GABBR1: variants seen among roughly 807,000 people sequenced by gnomAD.
GABBR1 encodes the protein GABA-B receptor, R1 subunit.
GABBR1 carries 35 observed loss-of-function variants against 117.7 expected under a neutral mutation model. The observed-to-expected ratio is 0.30, with a 90% CI of 0.23 to 0.39. The LOEUF is 0.39. Among genes scored for constraint, GABBR1 ranks in the 10% least tolerant of loss-of-function variants. The pLI, the probability that GABBR1 is intolerant of heterozygous loss-of-function variation, is 1.00. For synonymous variants in GABBR1, 442 were observed against 486.6 expected (o/e 0.91, Z 1.21); for missense variants, 709 against 1,241.8 (o/e 0.57, Z 6.45).
At position 29,622,044 on chromosome 6, in the gene GABBR1, G is replaced by C. The variant is rs770256133; in HGVS notation, c.1065+60C>G. 6.9e-6 allele frequency: 10 copies of C among 1,451,290 alleles called. No individual in the cohort carries two copies. Among genetic ancestry groups the C allele is most frequent in the African/African-American group, 1.4e-5 (1 of 71,560 alleles). 89.9% of individuals were successfully genotyped at this position (1,451,290 alleles called of 1,614,324 possible). ...CCCGCCTGGCTTTCCTCTCCAACCA[G>C]TCACTGTCCCCCAGCTTGGTCCCTC... is the stretch of plus-strand genomic sequence containing the variant. On this transcript the variant is annotated intron_variant, in intron 9 of 22. Transcript: ENST00000377034. This position sits in a 1 kb window ranked among gnomAD's most constrained non-coding sequence, Gnocchi z 4.6.
chr6:29,627,379 T>C lies in GABBR1; in HGVS notation c.657+107A>G. ...CTGCCAGTCACACAAGGGAGGGGTC[T>C]GCCTCGCAATCCCAGAGACGACTCA... On this transcript the variant is annotated intron_variant, in intron 6 of 22. Transcript: ENST00000377034. The surrounding 1 kb of genome is among the most constrained non-coding windows in gnomAD (Gnocchi z 4.4). 8.6e-7 allele frequency: 1 copy of C among 1,163,530 alleles called. No homozygotes were observed. Among genetic ancestry groups the C allele is most frequent in the Non-Finnish European group, 1.2e-6 (1 of 823,696 alleles). The allele number at this position is 1,163,530 out of a possible 1,614,324, so 72.1% of individuals were successfully genotyped here.
At position 29,623,701 on chromosome 6, in the gene GABBR1, G is replaced by A. The variant is rs1473770563; in HGVS notation, c.792+189C>T. 6.6e-6 allele frequency among the ~76,000 whole-genome samples: 1 copy of A among 152,128 alleles called. No homozygotes were observed. Among genetic ancestry groups the A allele is most frequent in the East Asian group, 1.9e-4 (1 of 5,190 alleles). ...CTAATTTCAATTCCTTCTGAAGAAGGAGGTCAGCTGCAGCACTGTCAGGCC... is the reference window on the plus strand; with the variant it reads ...CTAATTTCAATTCCTTCTGAAGAAGAAGGTCAGCTGCAGCACTGTCAGGCC... On this transcript the variant is annotated intron_variant, in intron 7 of 22. Transcript: ENST00000377034. This position sits in a 1 kb window ranked among gnomAD's most constrained non-coding sequence, Gnocchi z 6.2.
chr6:29,629,812 CA>C (rs28383808), intron 4 of GABBR1: 456 of 104,616 alleles, frequency 4.4e-3, no homozygotes, highest in African/African-American at 5.4e-3. Context: ...AATTACGTGG[CA>C]AAAAAAAAAA....
rs1340752047 is a variant in GABBR1, at chr6:29,605,840, C to T, written c.2312-144G>A. On this transcript the variant is annotated intron_variant, in intron 19 of 22. Coordinates refer to ENST00000377034, the MANE Select transcript of GABBR1 (RefSeq NM_001470.4). The surrounding 1 kb of genome is among the most constrained non-coding windows in gnomAD (Gnocchi z 4.2). ...CCAACCCCTCTGACCTAGCAAACCT[C>T]ACCCTGTGTCCCCTATCCCTTATGT... The T allele has an allele frequency of 3.2e-6, 3 of 928,858 alleles. No individual in the cohort carries two copies. Among genetic ancestry groups the T allele is most frequent in the Non-Finnish European group, 4.8e-6 (3 of 625,540 alleles). 57.5% of individuals were successfully genotyped at this position (928,858 alleles called of 1,614,324 possible). A position where few individuals can be genotyped will look rare whatever the true frequency, so the allele number is the denominator to read the frequency against.
Position 29,627,444 on chromosome 6 carries a change from CGCAAGCCCCCACCT to C in GABBR1, c.657+28_657+41del. On this transcript the variant is annotated intron_variant, in intron 6 of 22. Transcript: ENST00000377034. This position sits in a 1 kb window ranked among gnomAD's most constrained non-coding sequence, Gnocchi z 4.4. The stretch of plus-strand genomic sequence containing the variant: ...CGTGCAGCTGGCTGGCCCCCTGCCC[CGCAAGCCCCCACCT>C]CCCACCCACCCCCATGTCCAGGGCT... 4.3e-6 allele frequency: 6 copies of C among 1,385,558 alleles called. No individual in the cohort carries two copies. The highest frequency in any genetic ancestry group is 6.0e-6 in the Non-Finnish European group (6 of 1,004,150). The allele number at this position is 1,385,558 out of a possible 1,614,324, so 85.8% of individuals were successfully genotyped here. A position where few individuals can be genotyped will look rare whatever the true frequency, so the allele number is the denominator to read the frequency against.
chr6:29,610,938 G>C lies in GABBR1; in HGVS notation c.1694C>G (p.Thr565Arg). 4 of 1,612,818 alleles carry C rather than the reference G, an allele frequency of 2.5e-6. No individual in the cohort carries two copies. The highest frequency in any genetic ancestry group is 2.7e-5 in the African/African-American group (2 of 75,034). Residue 565 changes from threonine (T) to arginine (R), a missense_variant, in exon 14 of 23, where the codon ACA (threonine) becomes AGA (arginine). By Grantham distance (71) the Thr-to-Arg change is moderately conservative. Around this residue, in one of 9 missense-constraint regions of GABBR1, gnomAD observed 251 missense variants for 445.3 expected, o/e 0.56. Transcript: ENST00000377034. The stretch of plus-strand genomic sequence containing the variant: ...GATCCACTCACCAATCCATTTATCT[G>C]TTTTGGACCAGGAAAGATCATCCTT... ...STKDDLSWSK[T>R]DKWIGGSPPA...
chr6:29,624,106 A>C, intron 6 of GABBR1, 82 bp from the exon 7 acceptor site: 1 of 1,318,668 alleles, frequency 7.6e-7, no homozygotes, highest in Non-Finnish European at 1.0e-6. Context: ...TTTCTCGAAC[A>C]AATTAGTTCC....
In GABBR1 at chr6:29,621,991, C is replaced by T. The variant is rs2127432032; in HGVS notation, c.1065+113G>A. 5.6e-6 allele frequency: 6 copies of T among 1,065,106 alleles called. No homozygotes were observed. Among genetic ancestry groups the T allele is most frequent in the Non-Finnish European group, 8.5e-6 (6 of 702,306 alleles). The allele number at this position is 1,065,106 out of a possible 1,614,324, so 66.0% of individuals were successfully genotyped here. On this transcript the variant is annotated intron_variant, in intron 9 of 22. Transcript: ENST00000377034. This position sits in a 1 kb window ranked among gnomAD's most constrained non-coding sequence, Gnocchi z 5.0. ...TGGAGCTAAACTTCCCCAGGAGATG[C>T]TATTGCCTCAGAGAATCAAAACCTG...
chr6:29,621,310 T>C lies in GABBR1; in HGVS notation c.1132-18A>G. ...TTGTACACCTGAATACAGAGGAGAA[T>C]GGCTGAGTTTTTGTTTGCTCATTTG... On this transcript the variant is annotated intron_variant, in intron 10 of 22. Coordinates refer to ENST00000377034, the MANE Select transcript of GABBR1 (RefSeq NM_001470.4). The surrounding 1 kb of genome is among the most constrained non-coding windows in gnomAD (Gnocchi z 5.0). 1 of 1,601,826 alleles carries C rather than the reference T, an allele frequency of 6.2e-7. No homozygotes were observed. The highest frequency in any genetic ancestry group is 1.1e-5 in the South Asian group (1 of 89,834).
At chr6:29,610,680 T>TAC (rs1762448648) in intron 14 of GABBR1, among the ~76,000 whole-genome samples, 1 of 151,532 alleles carries the variant, frequency 6.6e-6, no homozygotes, top group African/African-American at 2.4e-5. Context: ...TAATCCCCAG[T>TAC]TACCCCAGCA....
In GABBR1 at chr6:29,613,565, A is replaced by C. The variant is rs902998595; in HGVS notation, c.1324-80T>G. On this transcript the variant is annotated intron_variant, in intron 11 of 22. Transcript: ENST00000377034. This position sits in a 1 kb window ranked among gnomAD's most constrained non-coding sequence, Gnocchi z 4.1. ...AGGGGTGCAATCCAATTCTGACTCA[A>C]TCACTTCTACTTGAATGGATGGTTT... 1.3e-6 allele frequency: 2 copies of C among 1,504,662 alleles called. No individual in the cohort carries two copies. The highest frequency in any genetic ancestry group is 1.8e-6 in the Non-Finnish European group (2 of 1,103,692). The allele number at this position is 1,504,662 out of a possible 1,614,324, so 93.2% of individuals were successfully genotyped here. A position where few individuals can be genotyped will look rare whatever the true frequency, so the allele number is the denominator to read the frequency against.
In GABBR1 at chr6:29,631,347, A is replaced by G; in HGVS notation, c.289+49T>C. On this transcript the variant is annotated intron_variant, in intron 3 of 22. Transcript: ENST00000377034. The surrounding 1 kb of genome is among the most constrained non-coding windows in gnomAD (Gnocchi z 5.9). ...CAAGCAGTAATGCTAAGTTTGCGGC[A>G]GGAAAAGGAATAGTCTTGAAGAGGG... The G allele has an allele frequency of 6.4e-7, 1 of 1,563,470 alleles. No homozygotes were observed. Among genetic ancestry groups the G allele is most frequent in the Non-Finnish European group, 8.8e-7 (1 of 1,136,690 alleles).
chr6:29,607,350 GC>G lies in GABBR1; in HGVS notation c.1993-133del. ...GAGCTCATGGTGGCACAGGGAGGATGCGAAAATGTGAGCAGGACGGGGAGCG... is the reference window on the plus strand; with the variant it reads ...GAGCTCATGGTGGCACAGGGAGGATGGAAAATGTGAGCAGGACGGGGAGCG... On this transcript the variant is annotated intron_variant, in intron 16 of 22. Transcript: ENST00000377034. This position sits in a 1 kb window ranked among gnomAD's most constrained non-coding sequence, Gnocchi z 5.0. The G allele has an allele frequency of 1.4e-6, 1 of 710,130 alleles. No homozygotes were observed. The highest frequency in any genetic ancestry group is 2.5e-6 in the Non-Finnish European group (1 of 404,134). The allele number at this position is 710,130 out of a possible 1,614,324, so 44.0% of individuals were successfully genotyped here. A position where few individuals can be genotyped will look rare whatever the true frequency, so the allele number is the denominator to read the frequency against.
intron 6 of GABBR1, among the ~76,000 whole-genome samples, chr6:29,625,953 C>T (rs375338267): frequency 1.3e-4 from 20 of 152,164 alleles, no homozygotes; most frequent in African/African-American, 4.8e-4. Context: ...TTTTCCTGTA[C>T]CCTGCTGCTC....
Position 29,613,634 on chromosome 6 carries a change from T to A in GABBR1, c.1324-149A>T. 2.0e-6 allele frequency: 2 copies of A among 1,014,010 alleles called. No individual in the cohort carries two copies. Among genetic ancestry groups the A allele is most frequent in the Non-Finnish European group, 2.9e-6 (2 of 696,928 alleles). 62.8% of individuals were successfully genotyped at this position (1,014,010 alleles called of 1,614,324 possible). A position where few individuals can be genotyped will look rare whatever the true frequency, so the allele number is the denominator to read the frequency against. The stretch of plus-strand genomic sequence containing the variant: ...TGGACACATGTACATTCAAAATCTT[T>A]AACTATACCCATGTGTCTGCCTTAG... On this transcript the variant is annotated intron_variant, in intron 11 of 22. Transcript: ENST00000377034. The surrounding 1 kb of genome is among the most constrained non-coding windows in gnomAD (Gnocchi z 4.1).
chr6:29,603,514 C>G lies in GABBR1; in HGVS notation c.*29G>C, dbSNP rs763104826. On this transcript the variant is annotated 3_prime_UTR_variant, in exon 23 of 23. Coordinates refer to ENST00000377034, the MANE Select transcript of GABBR1 (RefSeq NM_001470.4). ...CCTTCCCCTCTCCCTTTCCCTCCCCCTACTGGCCTGTCCTCCCTCACCCTA... is the reference window on the plus strand; with the variant it reads ...CCTTCCCCTCTCCCTTTCCCTCCCCGTACTGGCCTGTCCTCCCTCACCCTA... 67 of 1,537,772 alleles carry G rather than the reference C, an allele frequency of 4.4e-5. No homozygotes were observed. The highest frequency in any genetic ancestry group is 5.6e-5 in the Non-Finnish European group (64 of 1,138,954).
Position 29,604,374 on chromosome 6 carries a change from C to T in GABBR1, c.2712+120G>A. The T allele has an allele frequency of 7.9e-7, 1 of 1,262,032 alleles. No individual in the cohort carries two copies. Among genetic ancestry groups the T allele is most frequent in the African/African-American group, 1.5e-5 (1 of 68,514 alleles). 78.2% of individuals were successfully genotyped at this position (1,262,032 alleles called of 1,614,324 possible). On this transcript the variant is annotated intron_variant, in intron 22 of 22. Coordinates refer to ENST00000377034, the MANE Select transcript of GABBR1 (RefSeq NM_001470.4). The surrounding 1 kb of genome is among the most constrained non-coding windows in gnomAD (Gnocchi z 5.3). ...TCCTTACAGGTTGTCTCCTAGGACC[C>T]TCCCTCCATGAGCCAAGAACATCTG...
intron 12 of GABBR1, 85 bp from the exon 13 acceptor site, chr6:29,612,699 T>C (rs568827395): frequency 3.3e-6 from 4 of 1,194,944 alleles, no homozygotes; most frequent in South Asian, 2.4e-5. Context: ...AATCCTTCTG[T>C]TTTTGATGTA....
chr6:29,627,767 G>A lies in GABBR1; in HGVS notation c.497-121C>T. ...AGAAGCGGCAGTGGCCACCCCACCC[G>A]GGCAAAAGGGGCCCCGGGCCCCATG... On this transcript the variant is annotated intron_variant, in intron 5 of 22. Coordinates refer to ENST00000377034, the MANE Select transcript of GABBR1 (RefSeq NM_001470.4). The surrounding 1 kb of genome is among the most constrained non-coding windows in gnomAD (Gnocchi z 4.4). 1 of 1,470,392 alleles carries A rather than the reference G, an allele frequency of 6.8e-7. No individual in the cohort carries two copies. Among genetic ancestry groups the A allele is most frequent in the Non-Finnish European group, 9.0e-7 (1 of 1,117,250 alleles). 91.1% of individuals were successfully genotyped at this position (1,470,392 alleles called of 1,614,324 possible).
Sources: allele counts gnomAD v4.1 joint callset (sites outside exome capture counted in the v4.1 genomes callset), GRCh38; gene constraint gnomAD v4.1.1; regional missense constraint gnomAD v4.1.1; non-coding constraint Gnocchi (gnomAD v3.1); transcripts MANE v1.5; gene names NCBI Gene and HGNC (gene_info 2026-07-23, HGNC 2026-07-21).